The following LTBP1 variants were observed in gnomAD, a reference collection of about 807,000 sequenced individuals.
LTBP1 encodes latent-transforming growth factor beta-binding protein 1.
Under a neutral mutation model 207.6 loss-of-function variants are expected in LTBP1, and 129 were observed. That is an observed-to-expected ratio of 0.62 (90% CI 0.54 to 0.72). The LOEUF (loss-of-function observed/expected upper bound fraction) is 0.72, where lower values mean the gene tolerates loss of function less well. Among genes scored for constraint, LTBP1 ranks in the 30% least tolerant of loss-of-function variants. The probability of loss-of-function intolerance (pLI) is 0.00; values close to 1 mark genes in which losing one functional copy is unlikely to be tolerated. For missense variants in LTBP1, 2,281 were observed against 2,217.2 expected, an observed-to-expected ratio of 1.03 and a Z score of -0.58; for synonymous variants, 963 against 833.7, an observed-to-expected ratio of 1.16 and a Z score of -2.67.
intron 5 of LTBP1, among the ~76,000 whole-genome samples, chr2:33,140,189 C>T (rs1055552211): frequency 1.3e-5 from 2 of 152,138 alleles, no homozygotes; most frequent in African/African-American, 2.4e-5. Context: ...AGAAGCAGTT[C>T]GTGCTGCTAA....
intron 24 of LTBP1, among the ~76,000 whole-genome samples, chr2:33,331,271 G>T (rs745923639): frequency 6.6e-6 from 1 of 151,072 alleles, no homozygotes. Context: ...ACACTTTGGG[G>T]TTTAAATTGT....
rs563042300 is a variant in LTBP1 at position 33,230,846 on chromosome 2, T to C, written c.1876+8695T>C. On this transcript the variant is annotated intron_variant, in intron 9 of 33. Transcript: ENST00000404816. ...TACCAAAGTCACTTACCAGTTTCAG[T>C]TTACAAGGATAAAATCAACTTAGTA... 4.6e-5 allele frequency among the ~76,000 whole-genome samples: 7 copies of C among 152,342 alleles called. No individual in the cohort carries two copies. In the South Asian group the frequency reaches 8.3e-4, roughly 18 times the overall value.
intron 3 of LTBP1, among the ~76,000 whole-genome samples, chr2:33,043,846 C>T (rs543060047): frequency 6.6e-6 from 1 of 152,010 alleles, no homozygotes; most frequent in East Asian, 1.9e-4. Flanking sequence ...AAATGAGAGA[C>T]GGTGTTTAAA....
At chr2:33,166,960 T>G (rs528399666) in intron 5 of LTBP1, among the ~76,000 whole-genome samples, 1 of 152,212 alleles carries the variant, frequency 6.6e-6, no homozygotes, top group African/African-American at 2.4e-5. Context: ...CACCCTCTAC[T>G]CCCTTTTAAA....
intron 7 of LTBP1, among the ~76,000 whole-genome samples, chr2:33,189,600 A>G (rs117565492): frequency 2.6e-5 from 4 of 152,366 alleles, no homozygotes; most frequent in East Asian, 1.9e-4. Flanking sequence ...CAGAATATAT[A>G]TTCCGCAAAG....
chr2:33,151,823 TTGTGTGTGTGTGTGTGTGTGTGTG>T (rs10526529), intron 5 of LTBP1, among the ~76,000 whole-genome samples: 220 of 129,482 alleles, frequency 1.7e-3, no homozygotes, highest in African/African-American at 5.2e-3. Flanking sequence ...GTATTCCATT[TTGTGTGTGTGTGTGTGTGTGTGTG>T]TGTGTGTGTG....
chr2:33,195,152 T>C (rs1163744328), intron 7 of LTBP1, among the ~76,000 whole-genome samples: 1 of 152,222 alleles, frequency 6.6e-6, no homozygotes, highest in African/African-American at 2.4e-5. Context: ...GAATGTTGTT[T>C]TCATGCCTGC....
At chr2:33,255,268 T>C (rs2092818121) in intron 11 of LTBP1, among the ~76,000 whole-genome samples, 4 of 152,094 alleles carry the variant, frequency 2.6e-5, no homozygotes, top group African/African-American at 9.7e-5. Flanking sequence ...CATCATTTTT[T>C]ATGGCTGCAT....
intron 2 of LTBP1, among the ~76,000 whole-genome samples, chr2:32,990,981 A>G (rs796671966): frequency 6.6e-6 from 1 of 152,302 alleles, no homozygotes; most frequent in African/African-American, 2.4e-5. Context: ...TTCCAAGATT[A>G]TAATAGCTAC....
chr2:33,043,668 T>C (rs1041734027), intron 3 of LTBP1, among the ~76,000 whole-genome samples: 10 of 151,566 alleles, frequency 6.6e-5, no homozygotes, highest in African/African-American at 2.2e-4. Context: ...GAGGAGGAAG[T>C]AGAAGAAGGA....
chr2:33,103,613 G>T (rs895428404), intron 3 of LTBP1, among the ~76,000 whole-genome samples: 1 of 140,962 alleles, frequency 7.1e-6, no homozygotes, highest in Admixed American at 7.0e-5. Flanking sequence ...GTGTGTGTGT[G>T]TGTGTGTGTG....
rs376662600 is a variant in LTBP1, at chr2:33,257,344, G to C, written c.2228G>C (p.Arg743Pro). 1 of 1,614,164 alleles carries C rather than the reference G, an allele frequency of 6.2e-7. No homozygotes were observed. The highest frequency in any genetic ancestry group is 1.7e-5 in the Admixed American group (1 of 60,014). ...TATACGGTTTCTGGCGTTCATAGAC[G>C]CAGGCCAATCCATCACCATGTAGGT... ...MGYTVSGVHRRRPIHHHVGKG... is the reference protein window; with the variant it reads ...MGYTVSGVHRPRPIHHHVGKG... Residue 743 changes from arginine to proline, a missense_variant, in exon 12 of 34, where the codon CGC becomes CCC. By Grantham distance (103) the Arg-to-Pro change is moderately radical. Transcript: ENST00000404816.
chr2:33,291,716 A>G (rs1261287901), intron 19 of LTBP1: 4 of 152,236 alleles, frequency 2.6e-5, no homozygotes, highest in Non-Finnish European at 4.4e-5. Context: ...ATGTGCAGGG[A>G]ACACACCCGT....
At chr2:33,113,048 C>G (rs983526012) in intron 4 of LTBP1, among the ~76,000 whole-genome samples, 2 of 152,150 alleles carry the variant, frequency 1.3e-5, no homozygotes, top group African/African-American at 4.8e-5. Context: ...CATGATGTAT[C>G]TTGGAGTGAA....
chr2:33,235,717 G>A (rs1312993512), intron 9 of LTBP1, among the ~76,000 whole-genome samples: 4 of 152,162 alleles, frequency 2.6e-5, no homozygotes, highest in African/African-American at 9.7e-5. Flanking sequence ...GGAATACTAT[G>A]CAGCCATAAA....
chr2:33,123,750 C>T (rs1393959720), intron 4 of LTBP1, among the ~76,000 whole-genome samples: 1 of 152,168 alleles, frequency 6.6e-6, no homozygotes, highest in Admixed American at 6.5e-5. Flanking sequence ...TTCCACCCTC[C>T]TCCTCCTCAT....
intron 31 of LTBP1, among the ~76,000 whole-genome samples, chr2:33,376,751 ACT>A (rs1025742649): frequency 6.6e-6 from 1 of 152,160 alleles, no homozygotes; most frequent in African/African-American, 2.4e-5. Context: ...TCCTCACCCC[ACT>A]GAGATTCCCT....
chr2:33,206,593 A>G (rs1292209529), intron 7 of LTBP1, among the ~76,000 whole-genome samples: 1 of 152,120 alleles, frequency 6.6e-6, no homozygotes, highest in East Asian at 1.9e-4. Context: ...ACAAAAAACT[A>G]GCCGGGCGTG....
intron 15 of LTBP1, among the ~76,000 whole-genome samples, 158 bp downstream of exon 15, chr2:33,263,550 A>G (rs752500330): frequency 3.9e-5 from 6 of 152,252 alleles, no homozygotes; most frequent in Non-Finnish European, 8.8e-5. Flanking sequence ...AAGGAGGAGT[A>G]TGTGGAAATA....
Sources: gnomAD v4.1 joint callset for allele counts (sites outside exome capture counted in the v4.1 genomes callset) on GRCh38, gnomAD v4.1.1 for gene constraint, MANE v1.5 for transcripts, NCBI Gene and HGNC (gene_info 2026-07-23, HGNC 2026-07-21) for gene names.